BMPER: variants seen among roughly 807,000 people sequenced by gnomAD.
BMPER encodes the protein BMP-binding endothelial regulator protein.
In BMPER, 45 loss-of-function variants were observed where a neutral mutation model predicts 87.3. The ratio of observed to expected loss-of-function variants is 0.52; its 90% CI spans 0.41 to 0.66. The LOEUF (loss-of-function observed/expected upper bound fraction) is 0.66, where lower values mean the gene tolerates loss of function less well. Among genes scored for constraint, BMPER ranks in the 30% least tolerant of loss-of-function variants. The pLI, the probability that BMPER is intolerant of heterozygous loss-of-function variation, is 0.00. For synonymous variants in BMPER, 326 were observed against 316.2 expected (o/e 1.03, Z -0.33); for missense variants, 784 against 867.5 (o/e 0.90, Z 1.21).
At chr7:33,975,373 G>A (rs1785659597) in intron 6 of BMPER, among the ~76,000 whole-genome samples, 2 of 152,158 alleles carry the variant, frequency 1.3e-5, no homozygotes, top group South Asian at 4.1e-4. Flanking sequence ...TGGATAGGAG[G>A]AAATCGCCTG....
chr7:33,922,788 A>G (rs1403755422), intron 2 of BMPER, among the ~76,000 whole-genome samples: 2 of 152,200 alleles, frequency 1.3e-5, no homozygotes, highest in Non-Finnish European at 2.9e-5. Flanking sequence ...AGCTTGGAGC[A>G]GTGTCAAGTG....
chr7:34,021,193 C>A (rs567620153), intron 6 of BMPER, among the ~76,000 whole-genome samples: 26 of 152,128 alleles, frequency 1.7e-4, no homozygotes, highest in Non-Finnish European at 3.7e-4. Flanking sequence ...TAACTGAGTT[C>A]TAACCACTGA....
At chr7:33,924,392 T>C (rs1222873310) in intron 2 of BMPER, among the ~76,000 whole-genome samples, 2 of 152,244 alleles carry the variant, frequency 1.3e-5, no homozygotes, top group African/African-American at 4.8e-5. Context: ...GGAATCCAGC[T>C]TGAAGAATAA....
intron 6 of BMPER, among the ~76,000 whole-genome samples, chr7:33,988,591 T>C (rs1786084721): frequency 1.3e-5 from 2 of 152,040 alleles, no homozygotes; most frequent in East Asian, 1.9e-4. Context: ...TGCAGTGAAG[T>C]GTTTGGTATT....
chr7:34,037,536 G>A (rs1787713273), intron 6 of BMPER, among the ~76,000 whole-genome samples: 1 of 152,172 alleles, frequency 6.6e-6, no homozygotes, highest in Admixed American at 6.6e-5. Flanking sequence ...AGCTGACCAT[G>A]AGAGGACATT....
intron 6 of BMPER, among the ~76,000 whole-genome samples, chr7:34,004,341 A>C (rs1437179410): frequency 2.0e-5 from 3 of 151,994 alleles, no homozygotes; most frequent in Non-Finnish European, 4.4e-5. Context: ...TTGAACATTT[A>C]TAATAGCTGG....
intron 13 of BMPER, among the ~76,000 whole-genome samples, chr7:34,120,697 C>T (rs1337196640): frequency 1.3e-5 from 2 of 152,134 alleles, no homozygotes; most frequent in African/African-American, 4.8e-5. Flanking sequence ...TGTGCCCGGC[C>T]ATTTGGAATA....
chr7:33,913,712 T>G (rs1311750192), intron 2 of BMPER, among the ~76,000 whole-genome samples: 2 of 152,230 alleles, frequency 1.3e-5, no homozygotes, highest in Non-Finnish European at 1.5e-5. Context: ...AATGCAGCAG[T>G]AATTACAGTG....
intron 11 of BMPER, among the ~76,000 whole-genome samples, chr7:34,067,617 G>A (rs1288545321): frequency 1.3e-5 from 2 of 152,116 alleles, no homozygotes; most frequent in Non-Finnish European, 2.9e-5. Flanking sequence ...AATTTGTGGT[G>A]TTGACTTTAG....
chr7:34,081,722 G>C (rs1221101475), intron 12 of BMPER, among the ~76,000 whole-genome samples: 1 of 152,174 alleles, frequency 6.6e-6, no homozygotes, highest in South Asian at 2.1e-4. Context: ...CACATGGAGA[G>C]CATGGCTTTT....
chr7:34,004,934 G>C (rs921415158), intron 6 of BMPER, among the ~76,000 whole-genome samples: 1 of 152,088 alleles, frequency 6.6e-6, no homozygotes, highest in African/African-American at 2.4e-5. Flanking sequence ...CTGGATCCCA[G>C]GGTTATGTAG....
At chr7:33,905,386 G>A (rs1400719961), upstream of BMPER, 5 of 427,772 alleles carry the variant, frequency 1.2e-5, no homozygotes, top group African/African-American at 2.2e-5. Flanking sequence ...CCGCATCGGA[G>A]GAGCCTGGCC....
intron 6 of BMPER, among the ~76,000 whole-genome samples, chr7:34,003,272 C>T (rs942837800): frequency 6.6e-6 from 1 of 151,742 alleles, no homozygotes; most frequent in African/African-American, 2.4e-5. Context: ...AGCGGTTGAC[C>T]TGGAAATTCT....
At chr7:33,950,205 G>A (rs765239120) in intron 3 of BMPER, among the ~76,000 whole-genome samples, 7 of 152,080 alleles carry the variant, frequency 4.6e-5, no homozygotes, top group South Asian at 2.1e-4. Flanking sequence ...GCCAAGTTGC[G>A]AATGTTCCTG....
At chr7:34,137,429 G>A (rs558943423) in intron 13 of BMPER, among the ~76,000 whole-genome samples, 2 of 152,232 alleles carry the variant, frequency 1.3e-5, no homozygotes, top group African/African-American at 4.8e-5. Flanking sequence ...AGGTCATGAG[G>A]TTACTCTCTT....
chr7:34,151,972 G>A (rs932612973), intron 14 of BMPER, among the ~76,000 whole-genome samples: 5 of 152,096 alleles, frequency 3.3e-5, no homozygotes, highest in Non-Finnish European at 7.4e-5. Flanking sequence ...TTTATTTTAT[G>A]GTGCTTATTA....
At chr7:33,921,890 A>G (rs1349020742) in intron 2 of BMPER, 2 of 468,060 alleles carry the variant, frequency 4.3e-6, no homozygotes, top group Non-Finnish European at 8.9e-6. Context: ...GTTGAGGGCC[A>G]GGTGAAGCGG....
At chr7:33,992,657 A>T (rs1413756850) in intron 6 of BMPER, among the ~76,000 whole-genome samples, 7 of 147,806 alleles carry the variant, frequency 4.7e-5, no homozygotes, top group Non-Finnish European at 1.1e-4. Context: ...TGATCCTGTC[A>T]TTATGACGTT....
chr7:33,911,348 G>A (rs913264919), intron 2 of BMPER, among the ~76,000 whole-genome samples: 1 of 152,220 alleles, frequency 6.6e-6, no homozygotes, highest in South Asian at 2.1e-4. Context: ...CAGTTACTAA[G>A]AGACAGAACT....
Sources: gnomAD v4.1 joint callset for allele counts (sites outside exome capture counted in the v4.1 genomes callset) on GRCh38, gnomAD v4.1.1 for gene constraint, MANE v1.5 for transcripts, NCBI Gene and HGNC (gene_info 2026-07-23, HGNC 2026-07-21) for gene names.